The following STK24 variants were observed in gnomAD, a reference collection of about 807,000 sequenced individuals.
STK24 encodes the protein serine/threonine kinase 24, also known as serine/threonine-protein kinase 24.
In STK24, 21 loss-of-function variants were observed where a neutral mutation model predicts 55.6. That is an observed-to-expected ratio of 0.38 (90% CI 0.27 to 0.54). The LOEUF (loss-of-function observed/expected upper bound fraction) is 0.54, where lower values mean the gene tolerates loss of function less well. STK24 is among the 20% of genes least tolerant of loss of function. The pLI, the probability that STK24 is intolerant of heterozygous loss-of-function variation, is 0.79. For synonymous variants in STK24, 200 were observed against 215.2 expected (o/e 0.93, Z 0.62); for missense variants, 383 against 538.4 (o/e 0.71, Z 2.86).
chr13:98,562,957 GA>G (rs1190514706), intron 1 of STK24, among the ~76,000 whole-genome samples: 1 of 143,772 alleles, frequency 7.0e-6, no homozygotes, highest in Non-Finnish European at 1.5e-5. Context: ...ATTAAAAATA[GA>G]AAATAACATA....
At chr13:98,472,654 C>T (rs544042560) in intron 5 of STK24, among the ~76,000 whole-genome samples, 2 of 152,262 alleles carry the variant, frequency 1.3e-5, no homozygotes, top group Admixed American at 1.3e-4. Context: ...TTTGAAGGCA[C>T]TTAATTTTTT....
intron 1 of STK24, among the ~76,000 whole-genome samples, chr13:98,553,967 CAGG>C (rs1897221136): frequency 6.6e-6 from 1 of 151,290 alleles, no homozygotes; most frequent in African/African-American, 2.4e-5. Context: ...GAGGCTGAGG[CAGG>C]AGAACTGCTT....
rs1892756074 is a variant in STK24 at position 98,445,324 on chromosome 13, T to C, written c.*7849A>G. 1 of 152,264 alleles carries C rather than the reference T, an allele frequency of 6.6e-6. No homozygotes were observed. The highest frequency in any genetic ancestry group is 2.1e-4 in the South Asian group (1 of 4,834). 9.4% of individuals were successfully genotyped at this position (152,264 alleles called of 1,614,324 possible). ...CTGCTTTGAGTCTCTGCTGGTGATG[T>C]CACTTTGGCAAAGGGACGAAATGAG... On this transcript the variant is annotated 3_prime_UTR_variant, in exon 11 of 11. Coordinates refer to ENST00000539966, the MANE Select transcript of STK24 (RefSeq NM_001032296.4).
chr13:98,457,407 C>G, intron 9 of STK24, 103 bp from the exon 10 acceptor site: 1 of 1,557,488 alleles, frequency 6.4e-7, no homozygotes, highest in Non-Finnish European at 8.7e-7. Flanking sequence ...ACGACACTAC[C>G]CCAGCCCCAG....
intron 1 of STK24, among the ~76,000 whole-genome samples, chr13:98,563,314 A>G (rs1897477705): frequency 6.6e-6 from 1 of 152,184 alleles, no homozygotes; most frequent in Non-Finnish European, 1.5e-5. Context: ...TCAGAGATAA[A>G]CACAGGCAGT....
At chr13:98,493,581 A>G (rs1895122667) in intron 2 of STK24, among the ~76,000 whole-genome samples, 3 of 152,208 alleles carry the variant, frequency 2.0e-5, no homozygotes, top group Admixed American at 6.5e-5. Context: ...CCATGCCATC[A>G]TCTTGCTATG....
chr13:98,537,524 G>T (rs1312185528), intron 1 of STK24, among the ~76,000 whole-genome samples: 2 of 152,142 alleles, frequency 1.3e-5, no homozygotes, highest in Admixed American at 1.3e-4. Context: ...CCAGACTAAG[G>T]ACCGGGCCAC....
At chr13:98,508,326 T>C (rs781369892) in intron 2 of STK24, among the ~76,000 whole-genome samples, 1 of 152,168 alleles carries the variant, frequency 6.6e-6, no homozygotes, top group African/African-American at 2.4e-5. Flanking sequence ...TTAAAACTAG[T>C]GTGATAAAGT....
intron 2 of STK24, among the ~76,000 whole-genome samples, chr13:98,513,540 G>C (rs1185631510): frequency 2.6e-5 from 4 of 152,206 alleles, no homozygotes; most frequent in Admixed American, 2.0e-4. Context: ...AGGAGGAACA[G>C]AGAGGTACAC....
Position 98,450,045 on chromosome 13 carries a change from G to GATTGAT in STK24, c.*3122_*3127dup, listed in dbSNP as rs1555299401. 1 of 152,074 alleles carries GATTGAT rather than the reference G, an allele frequency of 6.6e-6. No individual in the cohort carries two copies. Among genetic ancestry groups the GATTGAT allele is most frequent in the Non-Finnish European group, 1.5e-5 (1 of 68,020 alleles). 9.4% of individuals were successfully genotyped at this position (152,074 alleles called of 1,614,324 possible). The stretch of plus-strand genomic sequence containing the variant: ...CTCAGCTATTTATTTCTGAATGATT[G>GATTGAT]ATTGATTCCAAACTACTTGCTGGAC... On this transcript the variant is annotated 3_prime_UTR_variant, in exon 11 of 11. Coordinates refer to ENST00000539966, the MANE Select transcript of STK24 (RefSeq NM_001032296.4).
At position 98,446,803 on chromosome 13, in the gene STK24, G is replaced by C; in HGVS notation, c.*6370C>G. The C allele has an allele frequency of 6.2e-7, 1 of 1,614,114 alleles. No individual in the cohort carries two copies. Among genetic ancestry groups the C allele is most frequent in the Non-Finnish European group, 8.5e-7 (1 of 1,180,002 alleles). On this transcript the variant is annotated 3_prime_UTR_variant, in exon 11 of 11. Transcript: ENST00000539966. ...TCTACTACTTCAGGGCGGAAAGCGA[G>C]TACACGTTCGAAAGGTAGACACCCC...
At chr13:98,467,368 G>A (rs1346729011) in intron 5 of STK24, among the ~76,000 whole-genome samples, 2 of 152,132 alleles carry the variant, frequency 1.3e-5, no homozygotes, top group African/African-American at 2.4e-5. Context: ...AAATTAACAC[G>A]AATTCCTTAA....
intron 1 of STK24, among the ~76,000 whole-genome samples, chr13:98,569,332 G>A (rs1280928307): frequency 2.0e-5 from 3 of 151,220 alleles, no homozygotes; most frequent in South Asian, 4.2e-4. Context: ...TGTCTCCCAC[G>A]CTGCCTATTC....
At chr13:98,560,035 C>T (rs1236665539) in intron 1 of STK24, among the ~76,000 whole-genome samples, 1 of 152,138 alleles carries the variant, frequency 6.6e-6, no homozygotes, top group Non-Finnish European at 1.5e-5. Context: ...GGTCCCTTAT[C>T]CAAACTTTCA....
rs1432988550 is a variant in STK24, at chr13:98,449,123, A to G, written c.*4050T>C. 6.6e-6 allele frequency: 1 copy of G among 152,248 alleles called. No individual in the cohort carries two copies. The highest frequency in any genetic ancestry group is 1.5e-5 in the Non-Finnish European group (1 of 68,052). The allele number at this position is 152,248 out of a possible 1,614,324, so 9.4% of individuals were successfully genotyped here. On this transcript the variant is annotated 3_prime_UTR_variant, in exon 11 of 11. Coordinates refer to ENST00000539966, the MANE Select transcript of STK24 (RefSeq NM_001032296.4). ...TGTTTTGCTGTCTGTCTGTGTCACA[A>G]GCATGAAAACCCGTGTGTCATTGAT...
intron 1 of STK24, chr13:98,575,890 A>AAAC (rs764956418): frequency 1.6e-5 from 6 of 379,236 alleles, no homozygotes; most frequent in Non-Finnish European, 2.2e-5. Context: ...ACGACAACGA[A>AAAC]AACAACAACA....
chr13:98,472,268 C>T (rs533167901), intron 5 of STK24, among the ~76,000 whole-genome samples: 4 of 152,332 alleles, frequency 2.6e-5, no homozygotes, highest in African/African-American at 7.2e-5. Flanking sequence ...ACACGCCTCC[C>T]GGGTCCACAA....
intron 2 of STK24, among the ~76,000 whole-genome samples, chr13:98,499,944 T>TCC (rs1376224090): frequency 6.6e-6 from 1 of 152,190 alleles, no homozygotes; most frequent in Non-Finnish European, 1.5e-5. Context: ...AACCCTTTAA[T>TCC]CCCCTCAATC....
chr13:98,481,630 A>C (rs1190504973), intron 3 of STK24, among the ~76,000 whole-genome samples: 1 of 152,162 alleles, frequency 6.6e-6, no homozygotes, highest in Non-Finnish European at 1.5e-5. Flanking sequence ...AGTAAATAGA[A>C]CCTGTTTCAG....
Sources: gnomAD v4.1 joint callset for allele counts (sites outside exome capture counted in the v4.1 genomes callset) on GRCh38, gnomAD v4.1.1 for gene constraint, MANE v1.5 for transcripts, NCBI Gene and HGNC (gene_info 2026-07-23, HGNC 2026-07-21) for gene names.